SPAG16: variants seen among roughly 807,000 people sequenced by gnomAD.
SPAG16 encodes sperm-associated antigen 16 protein.
Under a neutral mutation model 80.4 loss-of-function variants are expected in SPAG16, and 86 were observed. The ratio of observed to expected loss-of-function variants is 1.07; its 90% confidence interval spans 0.90 to 1.28. The LOEUF (loss-of-function observed/expected upper bound fraction) is 1.28, where lower values mean the gene tolerates loss of function less well. Among genes scored for constraint, SPAG16 ranks in the 50% most tolerant of loss-of-function variants. The pLI is 0.00. For missense variants in SPAG16, 870 were observed against 765.3 expected, an observed-to-expected ratio of 1.14 and a Z score of -1.61; for synonymous variants, 294 against 265.9, an observed-to-expected ratio of 1.11 and a Z score of -1.03.
rs561859697 is a variant in SPAG16, at chr2:213,660,743, T to G, written c.1070+170653T>G. ...AGCACTCCCAGGATCATAGATCGATTGCATCTTAAACTAGAAGAACATGTT... is the reference window on the plus strand; with the variant it reads ...AGCACTCCCAGGATCATAGATCGATGGCATCTTAAACTAGAAGAACATGTT... On this transcript the variant is annotated intron_variant, in intron 10 of 15. Transcript: ENST00000331683. 6.5e-4 allele frequency among the ~76,000 whole-genome samples: 99 copies of G among 152,312 alleles called. No individual in the cohort carries two copies. In the Middle Eastern group the frequency reaches 0.01, roughly 16 times the overall value.
chr2:214,070,681 A>G (rs1476486106), intron 13 of SPAG16, among the ~76,000 whole-genome samples: 2 of 152,044 alleles, frequency 1.3e-5, no homozygotes, highest in African/African-American at 2.4e-5. Flanking sequence ...TGATATATCA[A>G]TATACTGATG....
chr2:213,293,832 CA>C (rs1328556497), intron 1 of SPAG16, among the ~76,000 whole-genome samples: 1 of 152,256 alleles, frequency 6.6e-6, no homozygotes, highest in Non-Finnish European at 1.5e-5. Context: ...AGGTGTACAA[CA>C]TATTTTGATT....
intron 10 of SPAG16, among the ~76,000 whole-genome samples, chr2:213,807,361 C>T (rs2071832741): frequency 6.6e-6 from 1 of 151,928 alleles, no homozygotes; most frequent in African/African-American, 2.4e-5. Flanking sequence ...CAACATTTCC[C>T]TACATAGTGC....
chr2:213,973,189 G>T (rs1051048933), intron 12 of SPAG16, among the ~76,000 whole-genome samples: 3 of 152,014 alleles, frequency 2.0e-5, no homozygotes, highest in Non-Finnish European at 2.9e-5. Flanking sequence ...TCATGTTCTT[G>T]GTTTCCAAAT....
At chr2:213,625,589 T>C (rs1471640376) in intron 10 of SPAG16, among the ~76,000 whole-genome samples, 1 of 152,246 alleles carries the variant, frequency 6.6e-6, no homozygotes, top group African/African-American at 2.4e-5. Flanking sequence ...TTTTTATGTC[T>C]TATTTAAGAA....
At chr2:214,162,517 C>G (rs1041236291) in intron 15 of SPAG16, among the ~76,000 whole-genome samples, 1 of 152,074 alleles carries the variant, frequency 6.6e-6, no homozygotes, top group African/African-American at 2.4e-5. Flanking sequence ...GGAGATTCAA[C>G]TTTATTTCTC....
chr2:213,680,101 G>A (rs540526543), intron 10 of SPAG16, among the ~76,000 whole-genome samples: 1 of 152,270 alleles, frequency 6.6e-6, no homozygotes, highest in East Asian at 1.9e-4. Flanking sequence ...ACAAGTAGAG[G>A]CTGTGGGAGA....
At chr2:214,110,070 C>T (rs2053586928) in intron 14 of SPAG16, among the ~76,000 whole-genome samples, 1 of 152,110 alleles carries the variant, frequency 6.6e-6, no homozygotes. Flanking sequence ...GAGAGACATA[C>T]ATTAATTTCC....
At chr2:213,306,699 G>T (rs1025561159) in intron 3 of SPAG16, among the ~76,000 whole-genome samples, 1 of 151,950 alleles carries the variant, frequency 6.6e-6, no homozygotes, top group Non-Finnish European at 1.5e-5. Flanking sequence ...GCTGAGTTCT[G>T]CCTGGTGTTG....
intron 15 of SPAG16, among the ~76,000 whole-genome samples, chr2:214,224,698 T>A (rs1207179339): frequency 6.6e-6 from 1 of 152,132 alleles, no homozygotes; most frequent in African/African-American, 2.4e-5. Context: ...TCCTGGGAAA[T>A]TTTAAGTTTT....
chr2:214,042,760 A>G (rs1165583070), intron 13 of SPAG16, among the ~76,000 whole-genome samples: 1 of 152,220 alleles, frequency 6.6e-6, no homozygotes, highest in African/African-American at 2.4e-5. Flanking sequence ...ACAGAGAGCA[A>G]TGCAACTCTC....
intron 15 of SPAG16, among the ~76,000 whole-genome samples, chr2:214,369,817 T>A (rs1482569371): frequency 1.3e-5 from 2 of 152,140 alleles, no homozygotes; most frequent in African/African-American, 2.4e-5. Context: ...TTTTATCATA[T>A]TTTGCCTCTG....
chr2:214,387,181 G>A (rs1700808624), intron 15 of SPAG16, among the ~76,000 whole-genome samples: 1 of 152,030 alleles, frequency 6.6e-6, no homozygotes, highest in Admixed American at 6.6e-5. Flanking sequence ...GCCATTTGAT[G>A]TCTCTCCCTC....
At chr2:214,208,401 A>G (rs1324272549) in intron 15 of SPAG16, among the ~76,000 whole-genome samples, 1 of 152,116 alleles carries the variant, frequency 6.6e-6, no homozygotes, top group Non-Finnish European at 1.5e-5. Context: ...TAAGGACTCT[A>G]CTTCTAGTAG....
intron 15 of SPAG16, among the ~76,000 whole-genome samples, chr2:214,220,038 A>G (rs2058527581): frequency 6.6e-6 from 1 of 152,156 alleles, no homozygotes; most frequent in African/African-American, 2.4e-5. Flanking sequence ...GTTTATAAGG[A>G]CATTTTACAC....
chr2:214,008,507 G>A (rs1041890692), intron 12 of SPAG16, among the ~76,000 whole-genome samples: 3 of 152,086 alleles, frequency 2.0e-5, no homozygotes, highest in South Asian at 2.1e-4. Flanking sequence ...CACTTTGGGA[G>A]GCCAAAGTGG....
intron 10 of SPAG16, among the ~76,000 whole-genome samples, chr2:213,684,829 C>A (rs1390872807): frequency 6.6e-6 from 1 of 152,194 alleles, no homozygotes; most frequent in Non-Finnish European, 1.5e-5. Context: ...GTAAGCAAAA[C>A]AGACACATTA....
At chr2:213,712,697 G>A (rs570302235) in intron 10 of SPAG16, among the ~76,000 whole-genome samples, 3 of 152,180 alleles carry the variant, frequency 2.0e-5, no homozygotes, top group African/African-American at 4.8e-5. Context: ...AAGTGAAGCT[G>A]TCTCAAAAAA....
intron 15 of SPAG16, among the ~76,000 whole-genome samples, chr2:214,304,049 C>G (rs1181977689): frequency 6.6e-6 from 1 of 152,082 alleles, no homozygotes; most frequent in Non-Finnish European, 1.5e-5. Flanking sequence ...GTTTTGTTCC[C>G]CTCTATATGT....
Sources: gnomAD v4.1 joint callset for allele counts (sites outside exome capture counted in the v4.1 genomes callset) on GRCh38, gnomAD v4.1.1 for gene constraint, MANE v1.5 for transcripts, NCBI Gene and HGNC (gene_info 2026-07-23, HGNC 2026-07-21) for gene names.